REG3A: variants seen among roughly 807,000 people sequenced by gnomAD.
REG3A encodes the protein regenerating family member 3 alpha.
In REG3A, 15 loss-of-function variants were observed where a neutral mutation model predicts 20.5. That is an observed-to-expected ratio of 0.73 (90% CI 0.49 to 1.12). The LOEUF is 1.12. Ranked by LOEUF, REG3A falls within the 50% of genes most tolerant of loss-of-function variation. The probability of loss-of-function intolerance (pLI) is 0.00; values close to 1 mark genes in which losing one functional copy is unlikely to be tolerated. For missense variants in REG3A, 224 were observed against 213.1 expected (o/e 1.05, Z -0.32); for synonymous variants, 93 against 83.2 (o/e 1.12, Z -0.64).
At position 79,157,074 on chromosome 2, in the gene REG3A, C is replaced by T. The variant is rs541195784; in HGVS notation, c.*152G>A. The T allele has an allele frequency of 3.0e-6, 2 of 660,974 alleles. No individual in the cohort carries two copies. Among genetic ancestry groups the T allele is most frequent in the African/African-American group, 1.8e-5 (1 of 55,748 alleles). The allele number at this position is 660,974 out of a possible 1,614,324, so 40.9% of individuals were successfully genotyped here. A position where few individuals can be genotyped will look rare whatever the true frequency, so the allele number is the denominator to read the frequency against. On this transcript the variant is annotated 3_prime_UTR_variant, in exon 6 of 6. Coordinates refer to ENST00000305165, the MANE Select transcript of REG3A (RefSeq NM_002580.3). ...TGACAAAATGAAGAGACTGAAATGA[C>T]AGCGGGGAGGAAGAAACAGAAGAAA... is the stretch of plus-strand genomic sequence containing the variant.
chr2:79,159,378 C>T lies in REG3A; in HGVS notation c.28G>A (p.Val10Ile). The change falls in exon 2 of 6, where the codon GTA becomes ATA. Residue 10 changes from valine to isoleucine, a missense_variant. Coordinates refer to ENST00000305165, the MANE Select transcript of REG3A (RefSeq NM_002580.3). ...AGGCAGGAAAGCAGCATCCAAGATA[C>T]ACTGGGCAGGGCCATGGGAGGCAGC... MLPPMALPS[V>I]SWMLLSCLML... The T allele has an allele frequency of 6.2e-7, 1 of 1,613,902 alleles. No homozygotes were observed. The highest frequency in any genetic ancestry group is 2.2e-5 in the East Asian group (1 of 44,840).
At chr2:79,159,309 C>T (rs1572958233) in intron 2 of REG3A, 21 bp downstream of exon 2, 1 of 1,613,448 alleles carries the variant, frequency 6.2e-7, no homozygotes, top group African/African-American at 1.3e-5. Flanking sequence ...GAACCCAGTG[C>T]TAGAGGCAAA....
In REG3A at chr2:79,159,084, C is replaced by G. The variant is rs534603651; in HGVS notation, c.76+246G>C. Reference sequence around the variant, plus strand: ...CTGACCCTCCAGTGTATATTAGAGTCCACTTTCCCACCAGTGTATATTAGA... The same window carrying G: ...CTGACCCTCCAGTGTATATTAGAGTGCACTTTCCCACCAGTGTATATTAGA... On this transcript the variant is annotated intron_variant, in intron 2 of 5. Coordinates refer to ENST00000305165, the MANE Select transcript of REG3A (RefSeq NM_002580.3). The G allele has an allele frequency of 5.7e-5, 33 of 583,026 alleles. No individual in the cohort carries two copies. In the East Asian group the frequency reaches 8.9e-4, roughly 16 times the overall value. 36.1% of individuals were successfully genotyped at this position (583,026 alleles called of 1,614,324 possible).
chr2:79,157,745 C>T (rs1673348463), intron 4 of REG3A, 47 bp from the exon 5 acceptor site: 1 of 1,591,434 alleles, frequency 6.3e-7, no homozygotes, highest in African/African-American at 1.3e-5. Flanking sequence ...GCCATTGCAG[C>T]TCTTCTTGCA....
chr2:79,158,677 A>G lies in REG3A; in HGVS notation c.169T>C (p.Ser57Pro), dbSNP rs1673374499. 1 of 1,614,204 alleles carries G rather than the reference A, an allele frequency of 6.2e-7. No homozygotes were observed. Among genetic ancestry groups the G allele is most frequent in the Non-Finnish European group, 8.5e-7 (1 of 1,180,028 alleles). The change falls in exon 3 of 6, where the codon TCA (serine) becomes CCA (proline). Residue 57 changes from serine (S) to proline (P), a missense_variant. Coordinates refer to ENST00000305165, the MANE Select transcript of REG3A (RefSeq NM_002580.3). ...YGSHCYALFL[S>P]PKSWTDADLA... is the part of the protein sequence containing the mutation. ...TCTGCATCTGTCCAGGATTTTGGTG[A>G]CAAAAACAAGGCATAGCAGTGGGAG...
chr2:79,159,527 A>T (rs1673400600), intron 1 of REG3A, 88 bp from the exon 2 acceptor site: 1 of 908,614 alleles, frequency 1.1e-6, no homozygotes, highest in Admixed American at 2.1e-5. Flanking sequence ...GACTAAAGTG[A>T]TCTTGGTCAC....
At chr2:79,158,805 G>A in intron 2 of REG3A, 36 bp from the exon 3 acceptor site, 1 of 1,551,374 alleles carries the variant, frequency 6.4e-7, no homozygotes, top group South Asian at 1.1e-5. Flanking sequence ...GTAAAATGAA[G>A]AGTGGGGCTT....
intron 2 of REG3A, 160 bp from the exon 3 acceptor site, chr2:79,158,929 G>A (rs1484920518): frequency 7.9e-6 from 5 of 630,690 alleles, no homozygotes; most frequent in Non-Finnish European, 1.4e-5. Context: ...TCTCAAAATA[G>A]CCGTAGTAAA....
chr2:79,157,408 T>A, intron 5 of REG3A, 115 bp from the exon 6 acceptor site: 1 of 1,439,940 alleles, frequency 6.9e-7, no homozygotes, highest in Non-Finnish European at 9.7e-7. Flanking sequence ...TTCACCAGTG[T>A]CCCAATCCAG....
At position 79,157,210 on chromosome 2, in the gene REG3A, T is replaced by C. The variant is rs1216345705; in HGVS notation, c.*16A>G. ...GAGTTGCACACCAAACACAGGCTGC[T>C]GACTTCCCTCCTGCACTAGTCAGTG... On this transcript the variant is annotated 3_prime_UTR_variant, in exon 6 of 6. Coordinates refer to ENST00000305165, the MANE Select transcript of REG3A (RefSeq NM_002580.3). The C allele has an allele frequency of 6.2e-7, 1 of 1,609,540 alleles. No homozygotes were observed. Among genetic ancestry groups the C allele is most frequent in the African/African-American group, 1.3e-5 (1 of 74,798 alleles).
intron 5 of REG3A, 88 bp downstream of exon 5, chr2:79,157,484 T>C: frequency 6.4e-7 from 1 of 1,557,584 alleles, no homozygotes; most frequent in Non-Finnish European, 8.7e-7. Context: ...TTGTATTTTC[T>C]AGCTCAGGAA....
chr2:79,157,166 C>G lies in REG3A; in HGVS notation c.*60G>C. On this transcript the variant is annotated 3_prime_UTR_variant, in exon 6 of 6. Coordinates refer to ENST00000305165, the MANE Select transcript of REG3A (RefSeq NM_002580.3). The stretch of plus-strand genomic sequence containing the variant: ...TTCTCTTCCAGGGTGAGTCCTCACA[C>G]TGGTCTCATGCCCATGATGAGTTGC... 11 of 1,326,126 alleles carry G rather than the reference C, an allele frequency of 8.3e-6. No homozygotes were observed. Among genetic ancestry groups the G allele is most frequent in the Non-Finnish European group, 1.2e-5 (11 of 917,380 alleles). The allele number at this position is 1,326,126 out of a possible 1,614,324, so 82.1% of individuals were successfully genotyped here. A position where few individuals can be genotyped will look rare whatever the true frequency, so the allele number is the denominator to read the frequency against.
At chr2:79,158,921 T>G (rs1572957896) in intron 2 of REG3A, 152 bp from the exon 3 acceptor site, 1 of 640,128 alleles carries the variant, frequency 1.6e-6, no homozygotes, top group African/African-American at 1.8e-5. Context: ...ATTCTTTATC[T>G]CAAAATAGCC....
At chr2:79,157,381 A>G (rs1158007688) in intron 5 of REG3A, 88 bp from the exon 6 acceptor site, 1 of 1,476,314 alleles carries the variant, frequency 6.8e-7, no homozygotes. Flanking sequence ...CCTAGAAGTT[A>G]AAGCCTCTCC....
rs1328115779 is a variant in REG3A, at chr2:79,157,297, G to C, written c.461-4C>G. 1.9e-6 allele frequency: 3 copies of C among 1,613,322 alleles called. No individual in the cohort carries two copies. The East Asian group carries it at 6.7e-5, about 36-fold the overall frequency. On this transcript the variant is annotated splice_region_variant and splice_polypyrimidine_tract_variant and intron_variant, in intron 5 of 5. Coordinates refer to ENST00000305165, the MANE Select transcript of REG3A (RefSeq NM_002580.3). ...TAATCTTTCCACCTCAGAAATGCTG[G>C]AGAGACAGAAGACATAAATGGAATG...
chr2:79,157,120 G>A lies in REG3A; in HGVS notation c.*106C>T. The A allele has an allele frequency of 2.3e-6, 2 of 852,904 alleles. No individual in the cohort carries two copies. The highest frequency in any genetic ancestry group is 4.0e-6 in the Non-Finnish European group (2 of 500,508). The allele number at this position is 852,904 out of a possible 1,614,324, so 52.8% of individuals were successfully genotyped here. On this transcript the variant is annotated 3_prime_UTR_variant, in exon 6 of 6. Coordinates refer to ENST00000305165, the MANE Select transcript of REG3A (RefSeq NM_002580.3). Reference sequence around the variant, plus strand: ...AGAAAGATAAGAATGAGGTGGTCAGGTTGGGGGAATTAAGCGAATATTCTC... The same window carrying A: ...AGAAAGATAAGAATGAGGTGGTCAGATTGGGGGAATTAAGCGAATATTCTC...
At chr2:79,157,728 G>C (rs1349890916) in intron 4 of REG3A, 30 bp from the exon 5 acceptor site, 1 of 1,606,436 alleles carries the variant, frequency 6.2e-7, no homozygotes, top group Non-Finnish European at 8.5e-7. Context: ...GCCAGGTGAA[G>C]GGAATGGCCA....
chr2:79,157,682 C>G lies in REG3A; in HGVS notation c.350G>C (p.Gly117Ala), dbSNP rs752943154. The G allele has an allele frequency of 6.2e-7, 1 of 1,614,030 alleles. No homozygotes were observed. Among genetic ancestry groups the G allele is most frequent in the Non-Finnish European group, 8.5e-7 (1 of 1,179,938 alleles). Residue 117 changes from glycine (G) to alanine (A), a missense_variant, in exon 5 of 6, where the codon GGA becomes GCA. Transcript: ENST00000305165. ...HDPTQGTEPN[G>A]EGWEWSSSDV... ...ACTGCTACTCCACTCCCAACCTTCT[C>G]CATTGGGCTCGGTGCCCTGTAGAGT...
In REG3A at chr2:79,158,460, C is replaced by T. The variant is rs1444540912; in HGVS notation, c.199G>A (p.Ala67Thr). ...SPKSWTDADL[A>T]CQKRPSGNLV... The stretch of plus-strand genomic sequence containing the variant: ...TTTCCAGAGGGCCGCTTCTGGCAGG[C>T]CAGCTTTGAGGGCAACAAAGAGAAT... Residue 67 changes from alanine (A) to threonine (T), a missense_variant, in exon 4 of 6, where the codon GCC becomes ACC. Ala to Thr is a moderately conservative substitution (Grantham distance 58, BLOSUM62 0). Coordinates refer to ENST00000305165, the MANE Select transcript of REG3A (RefSeq NM_002580.3). The T allele has an allele frequency of 1.9e-6, 3 of 1,613,978 alleles. No homozygotes were observed. Among genetic ancestry groups the T allele is most frequent in the Non-Finnish European group, 2.5e-6 (3 of 1,179,996 alleles).
Sources: gnomAD v4.1 joint callset for allele counts on GRCh38, gnomAD v4.1.1 for gene constraint, MANE v1.5 for transcripts, NCBI Gene and HGNC (gene_info 2026-07-23, HGNC 2026-07-21) for gene names.